ANKMY2: variants seen among roughly 807,000 people sequenced by gnomAD.
The protein encoded by ANKMY2 is ankyrin repeat and MYND domain-containing protein 2.
ANKMY2 carries 36 observed loss-of-function variants against 50.4 expected under a neutral mutation model. The observed-to-expected ratio is 0.71, with a 90% CI of 0.55 to 0.94. The LOEUF is 0.94. Ranked by LOEUF, ANKMY2 falls within the 40% of genes least tolerant of loss-of-function variation. The pLI, the probability that ANKMY2 is intolerant of heterozygous loss-of-function variation, is 0.00. For synonymous variants in ANKMY2, 187 were observed against 178.8 expected (o/e 1.05, Z -0.36); for missense variants, 565 against 524.0 (o/e 1.08, Z -0.76).
At chr7:16,621,174 G>A (rs1267291392) in intron 4 of ANKMY2, among the ~76,000 whole-genome samples, 2 of 152,122 alleles carry the variant, frequency 1.3e-5, no homozygotes, top group African/African-American at 4.8e-5. Context: ...TAACCAGCTG[G>A]AAGTGACTGA....
chr7:16,619,632 G>T (rs7456367), intron 4 of ANKMY2, among the ~76,000 whole-genome samples: 26,859 of 151,922 alleles, frequency 0.18, 2,661 homozygotes, highest in Middle Eastern at 0.26. Flanking sequence ...AGGTTTAAAT[G>T]TTTGTAATTG....
At chr7:16,609,561 C>G (rs1343812304) in intron 7 of ANKMY2, 69 bp downstream of exon 7, 10 of 1,454,804 alleles carry the variant, frequency 6.9e-6, no homozygotes, top group Non-Finnish European at 9.1e-6. Flanking sequence ...AGAGAACTTG[C>G]CTTTAACAAT....
chr7:16,610,659 TCTTTG>T lies in ANKMY2; in HGVS notation c.631_635del (p.Gln211ArgfsTer4). On this transcript the variant is annotated frameshift_variant, in exon 6 of 10. Coordinates refer to ENST00000306999, the MANE Select transcript of ANKMY2 (RefSeq NM_020319.3). LOFTEE classifies it high-confidence loss of function. ...TCATAGCCAATACTTCATTCATGTCTCTTTGCTTCATACATTTCTCACAAATCAAA... is the reference window on the plus strand; with the variant it reads ...TCATAGCCAATACTTCATTCATGTCTCTTCATACATTTCTCACAAATCAAA... The T allele has an allele frequency of 6.2e-7, 1 of 1,614,062 alleles. No individual in the cohort carries two copies. Among genetic ancestry groups the T allele is most frequent in the Non-Finnish European group, 8.5e-7 (1 of 1,179,958 alleles).
intron 9 of ANKMY2, among the ~76,000 whole-genome samples, chr7:16,601,447 C>T (rs1440473152): frequency 6.6e-6 from 1 of 152,180 alleles, no homozygotes; most frequent in African/African-American, 2.4e-5. Flanking sequence ...CTTATTCTCC[C>T]TCAATAGTGT....
At chr7:16,622,530 A>T (rs1781450124) in intron 4 of ANKMY2, among the ~76,000 whole-genome samples, 1 of 152,106 alleles carries the variant, frequency 6.6e-6, no homozygotes, top group Non-Finnish European at 1.5e-5. Flanking sequence ...CAAGGTCAGG[A>T]GTTCAAGACC....
chr7:16,628,061 A>G (rs11768396), intron 2 of ANKMY2, among the ~76,000 whole-genome samples: 98,432 of 152,184 alleles, frequency 0.65, 32,301 homozygotes, highest in African/African-American at 0.75. Context: ...CATATTCAAC[A>G]AAACATCCAG....
At chr7:16,628,306 T>C (rs1360343968) in intron 2 of ANKMY2, among the ~76,000 whole-genome samples, 1 of 152,220 alleles carries the variant, frequency 6.6e-6, no homozygotes, top group African/African-American at 2.4e-5. Flanking sequence ...TAAGCCATCA[T>C]CTTGTTAATG....
At chr7:16,602,322 C>T (rs1394719745) in intron 9 of ANKMY2, 58 bp downstream of exon 9, 3 of 1,577,528 alleles carry the variant, frequency 1.9e-6, no homozygotes, top group African/African-American at 1.4e-5. Context: ...GTGTTAAGAT[C>T]ACCTATCATC....
At chr7:16,626,389 T>C (rs949361740) in intron 3 of ANKMY2, among the ~76,000 whole-genome samples, 1 of 152,190 alleles carries the variant, frequency 6.6e-6, no homozygotes, top group Non-Finnish European at 1.5e-5. Context: ...CAAATGAAAA[T>C]GTTAAATTTT....
intron 7 of ANKMY2, 104 bp from the exon 8 acceptor site, chr7:16,604,953 A>G: frequency 8.6e-7 from 1 of 1,163,102 alleles, no homozygotes; most frequent in South Asian, 2.4e-5. Flanking sequence ...TGTGACACAA[A>G]AAGGAAGAAA....
At chr7:16,623,867 CTGAG>C (rs1049609612) in intron 4 of ANKMY2, among the ~76,000 whole-genome samples, 25 of 152,232 alleles carry the variant, frequency 1.6e-4, no homozygotes, top group African/African-American at 4.3e-4. Context: ...CATAAAGCAA[CTGAG>C]TGTCTGGCTT....
chr7:16,634,711 A>G (rs1351474585), intron 2 of ANKMY2, among the ~76,000 whole-genome samples: 1 of 152,054 alleles, frequency 6.6e-6, no homozygotes, highest in Non-Finnish European at 1.5e-5. Flanking sequence ...AGGCTTGAAA[A>G]CCTCAAGCAT....
chr7:16,630,719 T>G (rs1197130641), intron 2 of ANKMY2, among the ~76,000 whole-genome samples: 1 of 152,116 alleles, frequency 6.6e-6, no homozygotes, highest in Non-Finnish European at 1.5e-5. Flanking sequence ...GTGATACAAG[T>G]GCTGGAAGAA....
intron 4 of ANKMY2, among the ~76,000 whole-genome samples, chr7:16,623,136 T>C (rs1200942998): frequency 6.6e-6 from 1 of 152,046 alleles, no homozygotes; most frequent in Non-Finnish European, 1.5e-5. Context: ...TTTTAAAAAA[T>C]GACAAAAATC....
At chr7:16,603,438 C>A in intron 8 of ANKMY2, 1 of 330,478 alleles carries the variant, frequency 3.0e-6, no homozygotes, top group South Asian at 2.5e-5. Flanking sequence ...AATGCAGGAA[C>A]AGGGAAGTGA....
intron 6 of ANKMY2, 122 bp from the exon 7 acceptor site, chr7:16,609,887 T>C: frequency 1.6e-6 from 2 of 1,212,402 alleles, no homozygotes. Flanking sequence ...CTTCAAATCA[T>C]GATGACGGGC....
At position 16,599,868 on chromosome 7, in the gene ANKMY2, T is replaced by G. The variant is rs1783475319; in HGVS notation, c.*893A>C. 6.6e-6 allele frequency: 1 copy of G among 152,212 alleles called. No homozygotes were observed. The highest frequency in any genetic ancestry group is 2.1e-4 in the South Asian group (1 of 4,838). The allele number at this position is 152,212 out of a possible 1,614,324, so 9.4% of individuals were successfully genotyped here. A position where few individuals can be genotyped will look rare whatever the true frequency, so the allele number is the denominator to read the frequency against. On this transcript the variant is annotated 3_prime_UTR_variant, in exon 10 of 10. Transcript: ENST00000306999. Reference sequence around the variant, plus strand: ...TTCAGACATCACATTCTAGCTCTGTTTAAATACCACATATGCTAAAAACCG... The same window carrying G: ...TTCAGACATCACATTCTAGCTCTGTGTAAATACCACATATGCTAAAAACCG...
chr7:16,600,792 GCA>G lies in ANKMY2; in HGVS notation c.1293_1294del (p.Ala432SerfsTer8). ...CTCAGACACCTGTGGCCCTGCAGGA[GCA>G]TCCTGTAAGCCTTCCAACTCAGCTT... On this transcript the variant is annotated frameshift_variant, in exon 10 of 10. Coordinates refer to ENST00000306999, the MANE Select transcript of ANKMY2 (RefSeq NM_020319.3). LOFTEE classifies it high-confidence loss of function. The G allele has an allele frequency of 6.2e-7, 1 of 1,612,860 alleles. No individual in the cohort carries two copies. The highest frequency in any genetic ancestry group is 8.5e-7 in the Non-Finnish European group (1 of 1,179,424).
rs1042782567 is a variant in ANKMY2, at chr7:16,623,827, A to G, written c.370+1156T>C. ...TCTCAAGTCCTTTTGAAATGAAAAT[A>G]AGGATACTTCTTCTAACAGAAAAAG... is the stretch of plus-strand genomic sequence containing the variant. On this transcript the variant is annotated intron_variant, in intron 4 of 9. Coordinates refer to ENST00000306999, the MANE Select transcript of ANKMY2 (RefSeq NM_020319.3). Among the ~76,000 whole-genome samples the G allele has an allele frequency of 2.0e-5, 3 of 152,308 alleles. 1 individual carries two copies. In the South Asian group the frequency reaches 6.2e-4, roughly 32 times the overall value.
Sources: gnomAD v4.1 joint callset for allele counts (sites outside exome capture counted in the v4.1 genomes callset) on GRCh38, gnomAD v4.1.1 for gene constraint, MANE v1.5 for transcripts, NCBI Gene and HGNC (gene_info 2026-07-23, HGNC 2026-07-21) for gene names.